Variants in RPS6KA5 observed in about 807,000 individuals in gnomAD.
RPS6KA5 encodes the protein ribosomal protein S6 kinase A5.
Under a neutral mutation model 85.5 loss-of-function variants are expected in RPS6KA5, and 27 were observed. The observed-to-expected ratio is 0.32, with a 90% CI of 0.23 to 0.44. The LOEUF is 0.44. RPS6KA5 is among the 20% of genes least tolerant of loss of function. The pLI, the probability that RPS6KA5 is intolerant of heterozygous loss-of-function variation, is 1.00. For missense variants in RPS6KA5, 811 were observed against 980.9 expected (o/e 0.83, Z 2.31); for synonymous variants, 334 against 348.2 (o/e 0.96, Z 0.46).
intron 1 of RPS6KA5, among the ~76,000 whole-genome samples, chr14:91,028,331 C>A (rs570559917): frequency 9.9e-5 from 15 of 152,086 alleles, no homozygotes; most frequent in Non-Finnish European, 2.2e-4. Context: ...AACCCTTTCA[C>A]CTCAGCCTGC....
At position 90,872,066 on chromosome 14, in the gene RPS6KA5, T is replaced by C. The variant is rs367591784; in HGVS notation, c.*8A>G. ...GTGCAATGGATCACTGATACACTCCTACCATGCCTAAGCTACTGAGTCCGA... is the reference window on the plus strand; with the variant it reads ...GTGCAATGGATCACTGATACACTCCCACCATGCCTAAGCTACTGAGTCCGA... On this transcript the variant is annotated 3_prime_UTR_variant, in exon 17 of 17. Coordinates refer to ENST00000614987, the MANE Select transcript of RPS6KA5 (RefSeq NM_004755.4). 2.2e-5 allele frequency: 36 copies of C among 1,610,076 alleles called. No individual in the cohort carries two copies. In the South Asian group the frequency reaches 2.9e-4, roughly 13 times the overall value.
rs769528460 is a variant in RPS6KA5, at chr14:90,871,902, CT to C, written c.*171del. The C allele has an allele frequency of 1.7e-4, 128 of 754,722 alleles. No individual in the cohort carries two copies. The highest frequency in any genetic ancestry group is 2.5e-4 in the Non-Finnish European group (118 of 468,786). The allele number at this position is 754,722 out of a possible 1,614,324, so 46.8% of individuals were successfully genotyped here. On this transcript the variant is annotated 3_prime_UTR_variant, in exon 17 of 17. Coordinates refer to ENST00000614987, the MANE Select transcript of RPS6KA5 (RefSeq NM_004755.4). ...TGTGCTCTATTCACAGTAACATTCTCTGTCCAGTGCTTTTGAATGAGGATAA... is the reference window on the plus strand; with the variant it reads ...TGTGCTCTATTCACAGTAACATTCTCGTCCAGTGCTTTTGAATGAGGATAA...
At chr14:90,931,447 A>G (rs1472800521) in intron 5 of RPS6KA5, among the ~76,000 whole-genome samples, 1 of 152,160 alleles carries the variant, frequency 6.6e-6, no homozygotes, top group African/African-American at 2.4e-5. Context: ...CTGTTACATA[A>G]CAAAATGAGT....
At chr14:91,044,309 GAGAGAGAGAA>G (rs1566901629) in intron 1 of RPS6KA5, among the ~76,000 whole-genome samples, 5 of 125,702 alleles carry the variant, frequency 4.0e-5, no homozygotes, top group South Asian at 2.6e-4. Flanking sequence ...GAGAGAAAGA[GAGAGAGAGAA>G]AGAGAGAGAG....
intron 7 of RPS6KA5, 68 bp from the exon 8 acceptor site, chr14:90,906,367 TAC>T (rs1376840067): frequency 2.3e-6 from 3 of 1,314,052 alleles, no homozygotes; most frequent in Non-Finnish European, 2.1e-6. Context: ...CATGGTGAAA[TAC>T]ACTTTGAAAC....
intron 1 of RPS6KA5, among the ~76,000 whole-genome samples, chr14:91,057,946 C>T (rs2043390868): frequency 6.6e-6 from 1 of 152,190 alleles, no homozygotes; most frequent in Admixed American, 6.5e-5. Flanking sequence ...AACTCCATGT[C>T]CTTTCATGGG....
chr14:90,905,003 T>C (rs1417145468), intron 8 of RPS6KA5, among the ~76,000 whole-genome samples: 4 of 152,218 alleles, frequency 2.6e-5, no homozygotes, highest in Non-Finnish European at 5.9e-5. Flanking sequence ...TTTGAAAGTT[T>C]GTTCAAAGAG....
chr14:90,936,732 T>A (rs1489856223), intron 5 of RPS6KA5, among the ~76,000 whole-genome samples: 1 of 152,140 alleles, frequency 6.6e-6, no homozygotes, highest in Non-Finnish European at 1.5e-5. Context: ...ACTAAATTAA[T>A]ATATATACAG....
At chr14:91,006,276 G>T (rs779313731) in intron 1 of RPS6KA5, among the ~76,000 whole-genome samples, 13 of 152,108 alleles carry the variant, frequency 8.5e-5, no homozygotes, top group Non-Finnish European at 2.9e-5. Flanking sequence ...CCATTCTCTT[G>T]CACTTCTCCC....
intron 5 of RPS6KA5, among the ~76,000 whole-genome samples, chr14:90,926,411 A>G (rs1358823976): frequency 6.6e-6 from 1 of 151,900 alleles, no homozygotes; most frequent in Non-Finnish European, 1.5e-5. Context: ...AACAAAAAAA[A>G]AGACTTAGTA....
intron 1 of RPS6KA5, among the ~76,000 whole-genome samples, chr14:91,026,753 G>A (rs1239725658): frequency 6.6e-6 from 1 of 152,182 alleles, no homozygotes; most frequent in African/African-American, 2.4e-5. Context: ...TCAATAGTGT[G>A]TAAGTGTTCC....
Position 90,859,582 on chromosome 14 carries a change from C to T in RPS6KA5, c.*12492G>A, listed in dbSNP as rs560708828. Reference sequence around the variant, plus strand: ...TAAATTTAAAATTGATTAGGCTCAGCAGAACAGGATAAGTTAATTAGGTCA... The same window carrying T: ...TAAATTTAAAATTGATTAGGCTCAGTAGAACAGGATAAGTTAATTAGGTCA... On this transcript the variant is annotated 3_prime_UTR_variant, in exon 17 of 17. Coordinates refer to ENST00000614987, the MANE Select transcript of RPS6KA5 (RefSeq NM_004755.4). 2 of 152,140 alleles carry T rather than the reference C, an allele frequency of 1.3e-5. No individual in the cohort carries two copies. Among genetic ancestry groups the T allele is most frequent in the Admixed American group, 1.3e-4 (2 of 15,288 alleles). 9.4% of individuals were successfully genotyped at this position (152,140 alleles called of 1,614,324 possible). A position where few individuals can be genotyped will look rare whatever the true frequency, so the allele number is the denominator to read the frequency against.
At chr14:91,054,509 C>T (rs894489532) in intron 1 of RPS6KA5, among the ~76,000 whole-genome samples, 11 of 151,710 alleles carry the variant, frequency 7.3e-5, no homozygotes, top group African/African-American at 2.4e-4. Flanking sequence ...TGGTGGCACT[C>T]GCCTGTAATC....
At chr14:90,976,202 G>GAAAAAAAAA (rs5810526) in intron 3 of RPS6KA5, among the ~76,000 whole-genome samples, 1 of 109,068 alleles carries the variant, frequency 9.2e-6, no homozygotes, top group Non-Finnish European at 1.9e-5. Flanking sequence ...TAAGAGAACA[G>GAAAAAAAAA]AAAAAAAAAA....
At chr14:90,875,456 A>G (rs2033397392) in intron 14 of RPS6KA5, 96 bp from the exon 15 acceptor site, 9 of 1,090,946 alleles carry the variant, frequency 8.2e-6, no homozygotes, top group East Asian at 2.5e-5. Context: ...TAATTTACCA[A>G]TTGCTACAAC....
chr14:90,891,892 T>C (rs1299061800), intron 13 of RPS6KA5, among the ~76,000 whole-genome samples: 1 of 152,204 alleles, frequency 6.6e-6, no homozygotes, highest in East Asian at 1.9e-4. Context: ...ACAGAACAGC[T>C]GAATGAACCA....
At chr14:91,009,664 G>T (rs2041175645) in intron 1 of RPS6KA5, among the ~76,000 whole-genome samples, 4 of 152,172 alleles carry the variant, frequency 2.6e-5, no homozygotes, top group Admixed American at 1.3e-4. Flanking sequence ...GTCAAAAGGG[G>T]AAGTTTTTTG....
chr14:90,890,364 G>A, intron 14 of RPS6KA5, 123 bp downstream of exon 14: 1 of 674,036 alleles, frequency 1.5e-6, no homozygotes, highest in Non-Finnish European at 2.3e-6. Flanking sequence ...CTAACTGGCT[G>A]TACAGAAAAG....
At chr14:91,031,532 T>C (rs970705508) in intron 1 of RPS6KA5, among the ~76,000 whole-genome samples, 4 of 152,068 alleles carry the variant, frequency 2.6e-5, no homozygotes, top group Non-Finnish European at 1.5e-5. Context: ...CGGAACAGAG[T>C]TCCACAAAGG....
Sources: gnomAD v4.1 joint callset for allele counts (sites outside exome capture counted in the v4.1 genomes callset) on GRCh38, gnomAD v4.1.1 for gene constraint, MANE v1.5 for transcripts, NCBI Gene and HGNC (gene_info 2026-07-23, HGNC 2026-07-21) for gene names.